Variants in ZSCAN18 observed in about 807,000 individuals in gnomAD.
The protein encoded by ZSCAN18 is zinc finger and SCAN domain-containing protein 18.
A neutral mutation model predicts 31.1 loss-of-function variants in ZSCAN18; 16 were observed. The ratio of observed to expected loss-of-function variants is 0.51; its 90% CI spans 0.35 to 0.78. The LOEUF (loss-of-function observed/expected upper bound fraction) is 0.78, where lower values mean the gene tolerates loss of function less well. Among genes scored for constraint, ZSCAN18 ranks in the 30% least tolerant of loss-of-function variants. ZSCAN18 has a pLI of 0.01. For missense variants in ZSCAN18, 731 were observed against 697.4 expected (o/e 1.05, Z -0.54); for synonymous variants, 375 against 320.7 (o/e 1.17, Z -1.81).
At chr19:58,098,048 G>T in intron 1 of ZSCAN18, 126 bp downstream of exon 1, 1 of 985,648 alleles carries the variant, frequency 1.0e-6, no homozygotes, top group Non-Finnish European at 1.2e-6. Flanking sequence ...CACAGCGGGG[G>T]CTCGCACCCC....
intron 1 of ZSCAN18, among the ~76,000 whole-genome samples, chr19:58,094,054 T>C (rs894763505): frequency 4.6e-5 from 7 of 151,882 alleles, no homozygotes; most frequent in Admixed American, 3.9e-4. Context: ...AGTGAGCCAC[T>C]GCAGCCAGCC....
intron 1 of ZSCAN18, among the ~76,000 whole-genome samples, chr19:58,094,282 G>C (rs2074476665): frequency 1.3e-5 from 2 of 151,408 alleles, no homozygotes; most frequent in African/African-American, 4.9e-5. Flanking sequence ...ATGGTGGCAG[G>C]CGCCCGTAGT....
chr19:58,106,111 A>G (rs2074632496), intron 1 of ZSCAN18, among the ~76,000 whole-genome samples: 1 of 152,228 alleles, frequency 6.6e-6, no homozygotes, highest in Non-Finnish European at 1.5e-5. Flanking sequence ...TGCCATTAAG[A>G]GCATTCTAGG....
At chr19:58,087,245 C>G (rs1282994242) in intron 4 of ZSCAN18, 71 bp downstream of exon 4, 1 of 1,464,660 alleles carries the variant, frequency 6.8e-7, no homozygotes, top group African/African-American at 1.4e-5. Flanking sequence ...CTGCTGAGCA[C>G]TGGTGATGGG....
chr19:58,113,974 T>C lies in ZSCAN18; in HGVS notation c.130+4293A>G, dbSNP rs148365910. ...GCCTGGGCAACAGAGAGACTCCAGC[T>C]CAAAAAATAATAAGGCTGGGCGTGG... On this transcript the variant is annotated intron_variant, in intron 1 of 1. Transcript: ENST00000595721. Among the ~76,000 whole-genome samples, 519 of 151,398 alleles carry C rather than the reference T, an allele frequency of 3.4e-3. 1 individual carries two copies. Among genetic ancestry groups the C allele is most frequent in the African/African-American group, 0.012 (501 of 41,164 alleles).
Position 58,090,568 on chromosome 19 carries a change from G to A in ZSCAN18, c.-119-182C>T, listed in dbSNP as rs900777210. ...GATAAAAAGTAGCATGTAAATGGAG[G>A]GTAACTCATTCTGTGCATTACCAGA... On this transcript the variant is annotated intron_variant, in intron 1 of 6. Coordinates refer to ENST00000601144, the MANE Select transcript of ZSCAN18 (RefSeq NM_001145543.2). This position sits in a 1 kb window ranked among gnomAD's most constrained non-coding sequence, Gnocchi z 4.7. 1 of 538,544 alleles carries A rather than the reference G, an allele frequency of 1.9e-6. No homozygotes were observed. The highest frequency in any genetic ancestry group is 3.1e-6 in the Non-Finnish European group (1 of 319,020). The allele number at this position is 538,544 out of a possible 1,614,324, so 33.4% of individuals were successfully genotyped here.
rs1489805168 is a variant in ZSCAN18, at chr19:58,088,690, G to A, written c.551C>T (p.Thr184Ile). The change falls in exon 3 of 7, where the codon ACA (threonine) becomes ATA (isoleucine). Residue 184 changes from threonine (T) to isoleucine (I), a missense_variant and splice_region_variant. Thr to Ile is a moderately conservative substitution (Grantham distance 89, BLOSUM62 -1). This residue lies in a region of ZSCAN18 where 597 missense variants were observed against 499.5 expected (regional missense o/e 1.20). Coordinates refer to ENST00000601144, the MANE Select transcript of ZSCAN18 (RefSeq NM_001145543.2). ...TGCCAGGCTAGCTGGGCACTCACGT[G>A]TCTCAGAAGGTGCCGGGATCTCCCC... The part of the protein sequence containing the change: ...GAGEIPAPSE[T>I]PWLSPDPLFL... 5 of 1,608,516 alleles carry A rather than the reference G, an allele frequency of 3.1e-6. No homozygotes were observed. Among genetic ancestry groups the A allele is most frequent in the Non-Finnish European group, 4.2e-6 (5 of 1,179,862 alleles).
At chr19:58,117,330 C>A (rs1414183495) in intron 1 of ZSCAN18, among the ~76,000 whole-genome samples, 1 of 151,944 alleles carries the variant, frequency 6.6e-6, no homozygotes. Flanking sequence ...AGCATTCGGG[C>A]ATCAGAGGTT....
At chr19:58,102,180 CG>C (rs1304215458), upstream of ZSCAN18, among the ~76,000 whole-genome samples, 9 of 152,010 alleles carry the variant, frequency 5.9e-5, no homozygotes, top group African/African-American at 2.2e-4. Context: ...TATACTCAGC[CG>C]GGCGCAGTGG....
At chr19:58,098,452 G>T (rs889857529), upstream of ZSCAN18, 9 of 854,050 alleles carry the variant, frequency 1.1e-5, no homozygotes, top group Non-Finnish European at 1.3e-5. Context: ...GTAAATAATA[G>T]ACCCCTGACA....
At chr19:58,111,045 G>A (rs1030625988) in intron 1 of ZSCAN18, among the ~76,000 whole-genome samples, 40 of 152,094 alleles carry the variant, frequency 2.6e-4, no homozygotes, top group African/African-American at 9.7e-4. Context: ...GCGGGCGCCT[G>A]TAGTCCCAGC....
chr19:58,105,800 T>G (rs760463016), intron 1 of ZSCAN18, among the ~76,000 whole-genome samples: 15 of 151,940 alleles, frequency 9.9e-5, no homozygotes, highest in Admixed American at 3.9e-4. Context: ...GCCAACATGG[T>G]GAAACCCTAT....
chr19:58,113,097 C>T (rs1263362981), intron 1 of ZSCAN18, among the ~76,000 whole-genome samples: 1 of 151,614 alleles, frequency 6.6e-6, no homozygotes, highest in Admixed American at 6.6e-5. Context: ...AGGCAGATCA[C>T]GAGGTCAGGA....
chr19:58,112,260 C>T (rs2074689356), intron 1 of ZSCAN18, among the ~76,000 whole-genome samples: 1 of 152,154 alleles, frequency 6.6e-6, no homozygotes, highest in African/African-American at 2.4e-5. Flanking sequence ...GTCTCAAATT[C>T]CTGTGCTCAA....
Position 58,089,872 on chromosome 19 carries a change from T to C in ZSCAN18, c.396A>G (p.Glu132=). 1 of 1,609,054 alleles carries C rather than the reference T, an allele frequency of 6.2e-7. No individual in the cohort carries two copies. ...TCCTCTGTGACAGCCCACCTGGCTC[T>C]TCCAGGACATCAGCGAGGCCCTCCA... ...SLVEGLADVL[E]EPGMLLGSPA... Residue 132 remains glutamate, a synonymous_variant, in exon 2 of 7, where the codon GAA becomes GAG. Transcript: ENST00000601144.
intron 2 of ZSCAN18, among the ~76,000 whole-genome samples, chr19:58,089,601 A>G (rs1238891056): frequency 5.9e-5 from 9 of 152,204 alleles, no homozygotes; most frequent in Non-Finnish European, 1.2e-4. Context: ...GCTCCAGCCT[A>G]GTGACAGACT....
chr19:58,096,392 G>A (rs756181676), intron 1 of ZSCAN18, among the ~76,000 whole-genome samples: 1 of 152,132 alleles, frequency 6.6e-6, no homozygotes, highest in South Asian at 2.1e-4. Context: ...CAGCCCCCCA[G>A]CCTCAGCAAA....
intron 1 of ZSCAN18, among the ~76,000 whole-genome samples, chr19:58,114,112 A>T (rs1264844893): frequency 6.6e-6 from 1 of 151,982 alleles, no homozygotes; most frequent in Non-Finnish European, 1.5e-5. Flanking sequence ...TATTAAAAAT[A>T]CAAAAATTAG....
chr19:58,111,060 C>T (rs547039639), intron 1 of ZSCAN18, among the ~76,000 whole-genome samples: 31 of 151,790 alleles, frequency 2.0e-4, no homozygotes, highest in African/African-American at 4.1e-4. Flanking sequence ...CCCAGCTACT[C>T]GGGAGGCTGA....
Sources: gnomAD v4.1 joint callset for allele counts (sites outside exome capture counted in the v4.1 genomes callset) on GRCh38, gnomAD v4.1.1 for gene constraint, gnomAD v4.1.1 regional missense constraint, Gnocchi (gnomAD v3.1) non-coding constraint, MANE v1.5 for transcripts, NCBI Gene and HGNC (gene_info 2026-07-23, HGNC 2026-07-21) for gene names.